PARP16: variants seen among roughly 807,000 people sequenced by gnomAD.
PARP16 encodes the protein protein mono-ADP-ribosyltransferase PARP16.
In PARP16, 31 loss-of-function variants were observed where a neutral mutation model predicts 35.0. That is an observed-to-expected ratio of 0.88 (90% CI 0.66 to 1.19). The LOEUF is 1.19. Ranked by LOEUF, PARP16 falls within the 50% of genes most tolerant of loss-of-function variation. The probability of loss-of-function intolerance (pLI) is 0.00; values close to 1 mark genes in which losing one functional copy is unlikely to be tolerated. For missense variants in PARP16, 424 were observed against 411.2 expected (o/e 1.03, Z -0.27); for synonymous variants, 162 against 169.5 (o/e 0.96, Z 0.34).
At chr15:65,239,349 C>T (rs187495621) in intron 3 of PARP16, among the ~76,000 whole-genome samples, 121 of 136,468 alleles carry the variant, frequency 8.9e-4, no homozygotes, top group African/African-American at 3.0e-3. Flanking sequence ...TTCACTTGGA[C>T]CTGGGAGGCA....
intron 5 of PARP16, 29 bp from the exon 6 acceptor site, chr15:65,259,571 T>A (rs747294472): frequency 6.2e-7 from 1 of 1,604,798 alleles, no homozygotes; most frequent in Non-Finnish European, 8.5e-7. Context: ...AGAGTGGTGT[T>A]GGCAAAAAGA....
chr15:65,271,467 G>T (rs1243696675), intron 1 of PARP16, among the ~76,000 whole-genome samples: 2 of 151,990 alleles, frequency 1.3e-5, no homozygotes, highest in African/African-American at 4.8e-5. Context: ...TAGAGATGGG[G>T]TTTCACCATG....
chr15:65,268,486 C>T (rs2089977901), intron 2 of PARP16, among the ~76,000 whole-genome samples: 1 of 152,184 alleles, frequency 6.6e-6, no homozygotes, highest in African/African-American at 2.4e-5. Context: ...GGCTCTGTCG[C>T]CCAGGCTGGA....
At position 65,259,467 on chromosome 15, in the gene PARP16, GAGC is replaced by G. The variant is rs1320317561; in HGVS notation, c.906_908del (p.Leu303del). The G allele has an allele frequency of 3.1e-6, 5 of 1,613,316 alleles. No individual in the cohort carries two copies. Among genetic ancestry groups the G allele is most frequent in the Admixed American group, 1.7e-5 (1 of 60,002 alleles). On this transcript the variant is annotated inframe_deletion, in exon 6 of 6. Coordinates refer to ENST00000649807, the MANE Select transcript of PARP16 (RefSeq NM_001316943.2). ...CAGAGGAGTTGATGACACTCACTAT[GAGC>G]AGCAGCAGCAGATACAGGGATATCA... is the stretch of plus-strand genomic sequence containing the variant.
chr15:65,263,301 C>T lies in PARP16; in HGVS notation c.539G>A (p.Gly180Glu). 4 of 1,596,374 alleles carry T rather than the reference C, an allele frequency of 2.5e-6. No homozygotes were observed. The highest frequency in any genetic ancestry group is 3.4e-6 in the Non-Finnish European group (4 of 1,170,614). ...HLNKTSLFGE[G>E]TYLTSDLSLA... is the part of the protein sequence containing the mutation. The stretch of plus-strand genomic sequence containing the variant: ...GCTCAAGTCACTGGTGAGGTAGGTC[C>T]CCTCTCCGAACAAGGATGTCTGCAA... Residue 180 changes from glycine to glutamate, a missense_variant, in exon 4 of 6, where the codon GGG (glycine) becomes GAG (glutamate). By Grantham distance (98) the Gly-to-Glu change is moderately conservative. Transcript: ENST00000649807.
At chr15:65,272,603 G>C (rs1180801786) in intron 1 of PARP16, among the ~76,000 whole-genome samples, 1 of 152,110 alleles carries the variant, frequency 6.6e-6, no homozygotes, top group Non-Finnish European at 1.5e-5. Context: ...TCTGATCCAA[G>C]AGACCACTCT....
At chr15:65,273,654 G>A (rs1595708988) in intron 1 of PARP16, among the ~76,000 whole-genome samples, 4 of 152,002 alleles carry the variant, frequency 2.6e-5, no homozygotes, top group Admixed American at 6.6e-5. Flanking sequence ...TGGGGTGGGC[G>A]GATCACCTGA....
chr15:65,253,595 G>C (rs375787635), downstream of PARP16, among the ~76,000 whole-genome samples: 1 of 152,150 alleles, frequency 6.6e-6, no homozygotes, highest in East Asian at 1.9e-4. Flanking sequence ...CTCCCAAAGT[G>C]CTGGGATTAC....
chr15:65,239,452 A>AAAAAAAAAAAAAAAAAAAAAAAAG (rs34910178), intron 3 of PARP16, among the ~76,000 whole-genome samples: 1 of 113,038 alleles, frequency 8.8e-6, no homozygotes, highest in Non-Finnish European at 1.9e-5. Flanking sequence ...AAAAAAAAAA[A>AAAAAAAAAAAAAAAAAAAAAAAAG]AGAGAGAAAA....
chr15:65,273,276 CA>C (rs1233896826), intron 1 of PARP16, among the ~76,000 whole-genome samples: 66 of 57,534 alleles, frequency 1.1e-3, no homozygotes, highest in African/African-American at 1.6e-3. Context: ...GACTCTGTCT[CA>C]AAAAAAAAAA....
downstream of PARP16, among the ~76,000 whole-genome samples, chr15:65,255,531 C>T (rs571887562): frequency 7.9e-5 from 12 of 152,030 alleles, no homozygotes; most frequent in South Asian, 6.2e-4. Flanking sequence ...CCTGCCCACT[C>T]GAACCCTCTA....
intron 3 of PARP16, among the ~76,000 whole-genome samples, 198 bp downstream of exon 3, chr15:65,266,364 T>C (rs1187309798): frequency 6.6e-6 from 1 of 152,220 alleles, no homozygotes; most frequent in Non-Finnish European, 1.5e-5. Flanking sequence ...GTCTAGAGTG[T>C]GCCCAAGATT....
chr15:65,237,085 T>C (rs2088902560), intron 3 of PARP16, among the ~76,000 whole-genome samples: 1 of 152,072 alleles, frequency 6.6e-6, no homozygotes, highest in Non-Finnish European at 1.5e-5. Context: ...TTGGCTGCTG[T>C]GTAGATGGCC....
At position 65,259,115 on chromosome 15, in the gene PARP16, C is replaced by CT. The variant is rs1365843113; in HGVS notation, c.*291dup. 37 of 276,966 alleles carry CT rather than the reference C, an allele frequency of 1.3e-4. 1 individual carries two copies. The Admixed American group carries it at 1.8e-3, about 13-fold the overall frequency. The allele number at this position is 276,966 out of a possible 1,614,324, so 17.2% of individuals were successfully genotyped here. A position where few individuals can be genotyped will look rare whatever the true frequency, so the allele number is the denominator to read the frequency against. ...CACTTTGTTTTTAAATGCAGCAGGGCTTTTTCCTTTGGCCCTGGCTGAAAA... is the reference window on the plus strand; with the variant it reads ...CACTTTGTTTTTAAATGCAGCAGGGCTTTTTTCCTTTGGCCCTGGCTGAAAA... On this transcript the variant is annotated 3_prime_UTR_variant, in exon 6 of 6. Coordinates refer to ENST00000649807, the MANE Select transcript of PARP16 (RefSeq NM_001316943.2).
intron 1 of PARP16, among the ~76,000 whole-genome samples, chr15:65,279,516 C>A (rs1321614022): frequency 6.6e-6 from 1 of 152,136 alleles, no homozygotes; most frequent in Non-Finnish European, 1.5e-5. Flanking sequence ...CTGACAGTCA[C>A]ATAATATTAT....
chr15:65,234,403 G>A (rs1046781606), downstream of PARP16: 1 of 152,198 alleles, frequency 6.6e-6, no homozygotes, highest in African/African-American at 2.4e-5. Context: ...AGACCTCTTG[G>A]GGGAGAAGCT....
At chr15:65,248,799 C>T (rs1264676233) in intron 2 of PARP16, among the ~76,000 whole-genome samples, 1 of 152,166 alleles carries the variant, frequency 6.6e-6, no homozygotes, top group Non-Finnish European at 1.5e-5. Flanking sequence ...CTTCCTCCTC[C>T]CCCACAGACC....
rs532335840 is a variant in PARP16 at position 65,259,254 on chromosome 15, G to A, written c.*153C>T. On this transcript the variant is annotated 3_prime_UTR_variant, in exon 6 of 6. Transcript: ENST00000649807. Reference sequence around the variant, plus strand: ...GAGTATGGCTGGGAACATCATCAAAGGCAATGGATACATTTAGGCCATATG... The same window carrying A: ...GAGTATGGCTGGGAACATCATCAAAAGCAATGGATACATTTAGGCCATATG... 7.1e-6 allele frequency: 5 copies of A among 705,158 alleles called. No individual in the cohort carries two copies. In the South Asian group the frequency reaches 8.8e-5, roughly 12 times the overall value. 43.7% of individuals were successfully genotyped at this position (705,158 alleles called of 1,614,324 possible).
intron 2 of PARP16, among the ~76,000 whole-genome samples, chr15:65,250,850 T>C (rs1054858494): frequency 7.9e-5 from 12 of 152,196 alleles, no homozygotes; most frequent in Non-Finnish European, 1.8e-4. Context: ...GTGGCGCGCG[T>C]GTGTGTGTTT....
Sources: gnomAD v4.1 joint callset for allele counts (sites outside exome capture counted in the v4.1 genomes callset) on GRCh38, gnomAD v4.1.1 for gene constraint, MANE v1.5 for transcripts, NCBI Gene and HGNC (gene_info 2026-07-23, HGNC 2026-07-21) for gene names.